The following SYTL5 variants were observed in gnomAD, a reference collection of about 807,000 sequenced individuals.
SYTL5 encodes the protein synaptotagmin like 5.
SYTL5 carries 34 observed loss-of-function variants against 55.9 expected under a neutral mutation model. The ratio of observed to expected loss-of-function variants is 0.61; its 90% CI spans 0.46 to 0.81. The LOEUF (loss-of-function observed/expected upper bound fraction) is 0.81. SYTL5 is among the 30% of genes least tolerant of loss of function. The pLI is 0.00. For missense variants in SYTL5, 637 were observed against 546.7 expected (o/e 1.17, Z -1.65); for synonymous variants, 221 against 188.7 (o/e 1.17, Z -1.40).
At chrX:38,026,287 T>C (rs1307840925) in intron 1 of SYTL5, among the ~76,000 whole-genome samples, 1 of 112,116 alleles carries the variant, frequency 8.9e-6, no homozygotes, top group Non-Finnish European at 1.9e-5. Flanking sequence ...AGGACTGCGT[T>C]ATCATCAACT....
the SYTL5 span, among the ~76,000 whole-genome samples, chrX:37,931,477 C>A: frequency 9.0e-6 from 1 of 111,664 alleles, no homozygotes; most frequent in East Asian, 2.8e-4. Context: ...AAAAGGCTTT[C>A]CCTGACCATT....
At chrX:37,957,269 C>A in the SYTL5 span, among the ~76,000 whole-genome samples, 1 of 111,037 alleles carries the variant, frequency 9.0e-6, no homozygotes, top group African/African-American at 3.3e-5. Flanking sequence ...TGTGTAGAAG[C>A]TTTTTGGTTT....
rs750492445 is a variant in SYTL5, at chrX:38,076,697, G to C, written c.685G>C (p.Asp229His). ...GAGTTTAAAATCACCTCCTGGTTCA[G>C]ACAGGTAAGAGTCATACAGATTGAG... ...FRSLKSPPGS[D>H]RGSTGSSDLN... Residue 229 changes from aspartate to histidine, a missense_variant, in exon 6 of 17, where the codon GAC (aspartate) becomes CAC (histidine). Asp to His is a moderately conservative substitution (Grantham distance 81, BLOSUM62 -1). Transcript: ENST00000297875. 1.7e-6 allele frequency: 2 copies of C among 1,208,504 alleles called. No individual in the cohort carries two copies. Among genetic ancestry groups the C allele is most frequent in the Non-Finnish European group, 2.2e-6 (2 of 894,514 alleles).
At chrX:37,967,822 C>T in the SYTL5 span, among the ~76,000 whole-genome samples, 2 of 108,825 alleles carry the variant, frequency 1.8e-5, no homozygotes, top group Non-Finnish European at 3.8e-5. Flanking sequence ...TCCTTTGTCA[C>T]GCTCCTGGCT....
At chrX:37,986,870 CT>C in the SYTL5 span, among the ~76,000 whole-genome samples, 1 of 111,510 alleles carries the variant, frequency 9.0e-6, no homozygotes, top group African/African-American at 3.3e-5. Flanking sequence ...AGTTTTAAAT[CT>C]TTTTTTATTA....
chrX:38,018,548 G>T (rs1173726413), intron 1 of SYTL5, among the ~76,000 whole-genome samples: 1 of 110,860 alleles, frequency 9.0e-6, no homozygotes, highest in African/African-American at 3.3e-5. Context: ...TATCTAAATT[G>T]CAATTAATTA....
At chrX:38,017,286 C>A (rs767047495) in intron 1 of SYTL5, among the ~76,000 whole-genome samples, 1 of 111,856 alleles carries the variant, frequency 8.9e-6, no homozygotes, top group Non-Finnish European at 1.9e-5. Flanking sequence ...TCATTAGAAA[C>A]CTAGAATGTT....
At chrX:38,108,185 C>T (rs73632460) in intron 11 of SYTL5, among the ~76,000 whole-genome samples, 11,764 of 111,872 alleles carry the variant, frequency 0.11, 1,064 homozygotes, top group African/African-American at 0.28. Context: ...TAGTGTATTA[C>T]ATGTATTGAG....
At chrX:37,923,253 C>G in the SYTL5 span, among the ~76,000 whole-genome samples, 5 of 111,671 alleles carry the variant, frequency 4.5e-5, no homozygotes, top group Admixed American at 9.5e-5. Context: ...ACAAATTGAC[C>G]CTGGGCATAA....
chrX:37,985,430 A>T, the SYTL5 span, among the ~76,000 whole-genome samples: 1 of 111,838 alleles, frequency 8.9e-6, no homozygotes, highest in Admixed American at 9.5e-5. Flanking sequence ...AAATAATTAT[A>T]ATGCAACCTA....
At chrX:37,988,608 A>T in the SYTL5 span, among the ~76,000 whole-genome samples, 1 of 112,519 alleles carries the variant, frequency 8.9e-6, no homozygotes, top group African/African-American at 3.2e-5. Context: ...TAATAGAAAT[A>T]TGAATGTTCA....
chrX:37,930,678 C>G, the SYTL5 span, among the ~76,000 whole-genome samples: 1 of 112,240 alleles, frequency 8.9e-6, no homozygotes, highest in Non-Finnish European at 1.9e-5. Context: ...GCACAAAATG[C>G]TCAGCTCCCT....
At chrX:38,087,858 A>G (rs1456911106) in intron 6 of SYTL5, among the ~76,000 whole-genome samples, 1 of 111,644 alleles carries the variant, frequency 9.0e-6, no homozygotes, top group African/African-American at 3.3e-5. Context: ...TGCTGATTTT[A>G]TCACATGCTA....
the SYTL5 span, among the ~76,000 whole-genome samples, chrX:37,943,774 T>C: frequency 8.1e-5 from 9 of 111,389 alleles, no homozygotes; most frequent in South Asian, 7.6e-4. Flanking sequence ...CAGTGTGGTC[T>C]TTAACAAGCC....
At chrX:37,997,882 C>T in the SYTL5 span, among the ~76,000 whole-genome samples, 1 of 112,385 alleles carries the variant, frequency 8.9e-6, no homozygotes, top group African/African-American at 3.2e-5. Context: ...TCAGCATACA[C>T]TTCCTCCCCT....
intron 7 of SYTL5, among the ~76,000 whole-genome samples, chrX:38,093,398 A>G (rs1383437563): frequency 1.8e-5 from 2 of 111,951 alleles, no homozygotes; most frequent in Non-Finnish European, 3.8e-5. Context: ...TTTGATCATT[A>G]TCATACCATG....
intron 6 of SYTL5, among the ~76,000 whole-genome samples, chrX:38,079,173 A>G (rs1366893226): frequency 1.8e-5 from 2 of 111,799 alleles, no homozygotes; most frequent in Non-Finnish European, 3.8e-5. Context: ...TCTTTGGTCT[A>G]TTGCCTGACC....
intron 1 of SYTL5, among the ~76,000 whole-genome samples, chrX:38,018,567 T>TC (rs1050549416): frequency 4.5e-5 from 5 of 111,478 alleles, no homozygotes; most frequent in African/African-American, 1.3e-4. Context: ...TATTTTTTTT[T>TC]CTCTTTCAAC....
chrX:38,079,953 T>G (rs73467431), intron 6 of SYTL5, among the ~76,000 whole-genome samples: 14,961 of 111,856 alleles, frequency 0.13, 822 homozygotes, highest in Middle Eastern at 0.17. Flanking sequence ...AGTATAAGTA[T>G]GTTTCATGCA....
Sources: allele counts gnomAD v4.1 joint callset (sites outside exome capture counted in the v4.1 genomes callset), GRCh38; gene constraint gnomAD v4.1.1; transcripts MANE v1.5; gene names NCBI Gene and HGNC (gene_info 2026-07-23, HGNC 2026-07-21).